CCDC25: variants seen among roughly 807,000 people sequenced by gnomAD.
The protein encoded by CCDC25 is coiled-coil domain-containing protein 25.
CCDC25 carries 16 observed loss-of-function variants against 35.3 expected under a neutral mutation model. The ratio of observed to expected loss-of-function variants is 0.45; its 90% CI spans 0.31 to 0.69. The LOEUF is 0.69. CCDC25 is among the 30% of genes least tolerant of loss of function. CCDC25 has a pLI of 0.06. For missense variants in CCDC25, 179 were observed against 250.7 expected (o/e 0.71, Z 1.93); for synonymous variants, 79 against 80.3 (o/e 0.98, Z 0.09).
At chr8:27,752,811 TAA>T (rs71553882) in intron 4 of CCDC25, 637 of 173,602 alleles carry the variant, frequency 3.7e-3, no homozygotes, top group Middle Eastern at 5.6e-3. Flanking sequence ...ACTTAATAAG[TAA>T]AAAAAAAAAA....
intron 1 of CCDC25, among the ~76,000 whole-genome samples, chr8:27,768,914 TATTAG>T (rs1004706991): frequency 6.5e-5 from 8 of 122,262 alleles, no homozygotes; most frequent in African/African-American, 1.2e-4. Flanking sequence ...ACACTGGACT[TATTAG>T]ACTAATGTTC....
intron 7 of CCDC25, among the ~76,000 whole-genome samples, chr8:27,742,405 A>G (rs1180570804): frequency 2.6e-5 from 4 of 152,258 alleles, no homozygotes; most frequent in Admixed American, 2.0e-4. Flanking sequence ...GGAGAAAGAC[A>G]TGTTGATGAA....
chr8:27,772,192 G>A (rs1804646317), intron 1 of CCDC25: 2 of 482,928 alleles, frequency 4.1e-6, no homozygotes, highest in Non-Finnish European at 7.4e-6. Context: ...CTTGGGATAA[G>A]GTGTGTGGAG....
chr8:27,770,343 C>G (rs184842983), intron 1 of CCDC25, among the ~76,000 whole-genome samples: 1 of 152,228 alleles, frequency 6.6e-6, no homozygotes, highest in East Asian at 1.9e-4. Flanking sequence ...ACCAGAATCG[C>G]TTGAACCCAG....
intron 3 of CCDC25, among the ~76,000 whole-genome samples, chr8:27,760,557 T>C (rs1025618909): frequency 2.6e-5 from 4 of 152,102 alleles, no homozygotes; most frequent in Non-Finnish European, 5.9e-5. Flanking sequence ...AATTAGGAAA[T>C]CAACCAATAT....
chr8:27,751,299 C>G (rs1169985467), intron 5 of CCDC25, among the ~76,000 whole-genome samples: 2 of 152,312 alleles, frequency 1.3e-5, no homozygotes, highest in Non-Finnish European at 2.9e-5. Flanking sequence ...CTTGTTATTT[C>G]AGTAACTGAA....
At chr8:27,749,934 TGAA>T (rs1218567682) in intron 5 of CCDC25, among the ~76,000 whole-genome samples, 7 of 152,192 alleles carry the variant, frequency 4.6e-5, no homozygotes, top group African/African-American at 1.7e-4. Flanking sequence ...TAAAAATTGA[TGAA>T]TCTAAGTGAA....
rs2128935041 is a variant in CCDC25, at chr8:27,737,419, AG to A, written c.598-1175del. Among the ~76,000 whole-genome samples the A allele has an allele frequency of 6.6e-6, 1 of 152,280 alleles. No homozygotes were observed. Among genetic ancestry groups the A allele is most frequent in the South Asian group, 2.1e-4 (1 of 4,820 alleles). On this transcript the variant is annotated intron_variant, in intron 8 of 8. Coordinates refer to ENST00000356537, the MANE Select transcript of CCDC25 (RefSeq NM_018246.3). The surrounding 1 kb of genome is among the most constrained non-coding windows in gnomAD (Gnocchi z 4.6). ...AACGAAAGTAAGCCATTCCCTATAA[AG>A]GCTGTGAGTTAGATGTGCAGAGTCC...
chr8:27,757,409 C>CA lies in CCDC25; in HGVS notation c.117-640dup, dbSNP rs1390890386. Among the ~76,000 whole-genome samples the CA allele has an allele frequency of 3.3e-5, 5 of 152,298 alleles. No individual in the cohort carries two copies. In the East Asian group the frequency reaches 9.6e-4, roughly 29 times the overall value. ...TTCAATAATGTAACCCAATAATTCACAAGCACAACAGTTCATCCGGCCCTA... is the reference window on the plus strand; with the variant it reads ...TTCAATAATGTAACCCAATAATTCACAAAGCACAACAGTTCATCCGGCCCTA... On this transcript the variant is annotated intron_variant, in intron 3 of 8. Coordinates refer to ENST00000356537, the MANE Select transcript of CCDC25 (RefSeq NM_018246.3).
intron 1 of CCDC25, among the ~76,000 whole-genome samples, chr8:27,766,518 T>C (rs1364431873): frequency 3.3e-5 from 5 of 152,216 alleles, no homozygotes; most frequent in Non-Finnish European, 7.3e-5. Context: ...GCCAAGTTTA[T>C]AGAAATGCTT....
intron 8 of CCDC25, among the ~76,000 whole-genome samples, chr8:27,738,204 T>C (rs11782418): frequency 0.43 from 65,925 of 151,772 alleles, 14,578 homozygotes; most frequent in East Asian, 0.63. Context: ...TCTCACAAAT[T>C]ACCTCTAAAG....
intron 3 of CCDC25, among the ~76,000 whole-genome samples, chr8:27,761,113 G>C (rs2128945046): frequency 6.6e-6 from 1 of 152,120 alleles, no homozygotes; most frequent in Admixed American, 6.5e-5. Context: ...TCGGCAACAA[G>C]GGCGAAACTC....
At chr8:27,767,103 C>A (rs1315941229) in intron 1 of CCDC25, among the ~76,000 whole-genome samples, 2 of 152,216 alleles carry the variant, frequency 1.3e-5, no homozygotes, top group African/African-American at 4.8e-5. Context: ...CAGTGGCTCA[C>A]ACCTGTAATC....
At chr8:27,746,629 C>T (rs1344279616) in intron 7 of CCDC25, among the ~76,000 whole-genome samples, 8 of 152,146 alleles carry the variant, frequency 5.3e-5, no homozygotes, top group African/African-American at 1.9e-4. Context: ...ACAAATTTTA[C>T]CTCACTGATG....
At chr8:27,770,767 CAAAA>C (rs1334015792) in intron 1 of CCDC25, among the ~76,000 whole-genome samples, 40 of 149,450 alleles carry the variant, frequency 2.7e-4, no homozygotes, top group Admixed American at 6.0e-4. Flanking sequence ...AAAACAAAAA[CAAAA>C]AACTCACCTT....
chr8:27,756,619 C>T (rs1392352713), intron 4 of CCDC25, 100 bp downstream of exon 4: 15 of 793,628 alleles, frequency 1.9e-5, no homozygotes. Flanking sequence ...GATTTGCGTA[C>T]CAACTTATTA....
At chr8:27,764,859 A>G (rs1292778589) in intron 2 of CCDC25, among the ~76,000 whole-genome samples, 1 of 152,326 alleles carries the variant, frequency 6.6e-6, no homozygotes, top group East Asian at 1.9e-4. Flanking sequence ...TACTTTTTAA[A>G]AAATAGACCT....
In CCDC25 at chr8:27,772,530, T is replaced by G. The variant is rs1289034493; in HGVS notation, c.11A>C (p.Tyr4Ser). The change falls in exon 1 of 9, where the codon TAC (tyrosine) becomes TCC (serine). Residue 4 changes from tyrosine to serine, a missense_variant. Transcript: ENST00000356537. MVF[Y>S]FTSSSVNSSA... ...CCACTCACCGCTGCTGCTGGTGAAG[T>G]AGAACACCATGATCCCGGGAGCGGT... 7 of 1,549,728 alleles carry G rather than the reference T, an allele frequency of 4.5e-6. No individual in the cohort carries two copies. Among genetic ancestry groups the G allele is most frequent in the South Asian group, 1.2e-5 (1 of 84,026 alleles).
intron 7 of CCDC25, among the ~76,000 whole-genome samples, chr8:27,741,909 T>C (rs145727472): frequency 2.1e-3 from 318 of 152,278 alleles, no homozygotes; most frequent in Non-Finnish European, 2.9e-3. Flanking sequence ...TAAGAAGATA[T>C]GCCAGGTTTT....
Sources: allele counts gnomAD v4.1 joint callset (sites outside exome capture counted in the v4.1 genomes callset), GRCh38; gene constraint gnomAD v4.1.1; non-coding constraint Gnocchi (gnomAD v3.1); transcripts MANE v1.5; gene names NCBI Gene and HGNC (gene_info 2026-07-23, HGNC 2026-07-21).